The following SPIDR variants were observed in gnomAD, a reference collection of about 807,000 sequenced individuals.
SPIDR encodes scaffold protein involved in DNA repair, also known as DNA repair-scaffolding protein.
SPIDR carries 93 observed loss-of-function variants against 104.6 expected under a neutral mutation model. The observed-to-expected ratio is 0.89, with a 90% CI of 0.75 to 1.06. The LOEUF (loss-of-function observed/expected upper bound fraction) is 1.06, where lower values mean the gene tolerates loss of function less well. SPIDR is among the 50% of genes least tolerant of loss of function. SPIDR has a pLI of 0.00. For synonymous variants in SPIDR, 431 were observed against 416.9 expected, an observed-to-expected ratio of 1.03 and a Z score of -0.41; for missense variants, 1,154 against 1,111.2, an observed-to-expected ratio of 1.04 and a Z score of -0.55.
At position 47,735,369 on chromosome 8, in the gene SPIDR, C is replaced by G. The variant is rs751128787; in HGVS notation, c.2667C>G (p.Ser889=). 6.2e-7 allele frequency: 1 copy of G among 1,613,804 alleles called. No homozygotes were observed. The highest frequency in any genetic ancestry group is 2.2e-5 in the East Asian group (1 of 44,760). Residue 889 remains serine, a synonymous_variant, in exon 20 of 20, where the codon TCC becomes TCG. Coordinates refer to ENST00000297423, the MANE Select transcript of SPIDR (RefSeq NM_001080394.4). The stretch of plus-strand genomic sequence containing the variant: ...GGTTGTTAAATTGTTTTGTCCAGTC[C>G]GTAACCGCCCACCCGACCAGCTGCA... The part of the protein sequence containing the change: ...EVGLLNCFVQ[S]VTAHPTSCIG...
At chr8:47,712,254 G>A (rs2081989914) in intron 14 of SPIDR, among the ~76,000 whole-genome samples, 1 of 152,208 alleles carries the variant, frequency 6.6e-6, no homozygotes. Flanking sequence ...AAAGTCTGAG[G>A]GCAAGTAAGA....
chr8:47,423,807 G>A (rs1229624019), intron 7 of SPIDR, among the ~76,000 whole-genome samples: 3 of 152,084 alleles, frequency 2.0e-5, no homozygotes, highest in Non-Finnish European at 4.4e-5. Context: ...GTGGCATAGA[G>A]AATGGACAGC....
At chr8:47,512,316 ACCCTG>A (rs1167368504) in intron 8 of SPIDR, among the ~76,000 whole-genome samples, 5 of 151,954 alleles carry the variant, frequency 3.3e-5, no homozygotes, top group Non-Finnish European at 7.4e-5. Flanking sequence ...TGTTCGTCTC[ACCCTG>A]TCTACACACT....
At chr8:47,488,093 T>C (rs537135359) in intron 8 of SPIDR, among the ~76,000 whole-genome samples, 1 of 152,034 alleles carries the variant, frequency 6.6e-6, no homozygotes, top group Non-Finnish European at 1.5e-5. Flanking sequence ...GATCAACAAA[T>C]TGATAGACCA....
intron 6 of SPIDR, among the ~76,000 whole-genome samples, chr8:47,403,460 C>G (rs931978742): frequency 1.5e-4 from 23 of 152,192 alleles, no homozygotes; most frequent in African/African-American, 5.1e-4. Flanking sequence ...AAAACCCCAT[C>G]GTCTCAGCCC....
chr8:47,415,582 G>A (rs2064140155), intron 7 of SPIDR, among the ~76,000 whole-genome samples: 1 of 152,168 alleles, frequency 6.6e-6, no homozygotes, highest in Non-Finnish European at 1.5e-5. Flanking sequence ...CCCTCATGAA[G>A]GGAATTAGAA....
chr8:47,432,051 G>T (rs1285282714), intron 7 of SPIDR, among the ~76,000 whole-genome samples: 1 of 152,090 alleles, frequency 6.6e-6, no homozygotes, highest in African/African-American at 2.4e-5. Context: ...GATTTACTCA[G>T]AATTAAAATT....
chr8:47,734,129 C>T (rs1253869847), intron 19 of SPIDR, among the ~76,000 whole-genome samples: 1 of 152,214 alleles, frequency 6.6e-6, no homozygotes, highest in Non-Finnish European at 1.5e-5. Context: ...ATCCGGATAG[C>T]TCCACTGGGC....
intron 16 of SPIDR, among the ~76,000 whole-genome samples, chr8:47,718,317 A>G (rs552736663): frequency 6.6e-6 from 1 of 152,322 alleles, no homozygotes; most frequent in Admixed American, 6.5e-5. Context: ...ATTTCTAAAC[A>G]GGGGAGGAAA....
At chr8:47,585,470 G>A (rs1189893212) in intron 8 of SPIDR, among the ~76,000 whole-genome samples, 1 of 151,892 alleles carries the variant, frequency 6.6e-6, no homozygotes, top group Non-Finnish European at 1.5e-5. Context: ...ACATTTAGTT[G>A]TACAAAATAA....
chr8:47,709,762 TGAAA>T (rs2081585252), intron 14 of SPIDR, among the ~76,000 whole-genome samples: 1 of 152,198 alleles, frequency 6.6e-6, no homozygotes, highest in Non-Finnish European at 1.5e-5. Context: ...ATTAATAGAT[TGAAA>T]GAGAGACCAC....
intron 5 of SPIDR, among the ~76,000 whole-genome samples, chr8:47,372,093 A>G (rs1463360035): frequency 6.6e-6 from 1 of 152,126 alleles, no homozygotes; most frequent in Non-Finnish European, 1.5e-5. Flanking sequence ...ATCAACTTCC[A>G]TGCCTAGAAA....
At chr8:47,601,485 G>A (rs2062277041) in intron 10 of SPIDR, among the ~76,000 whole-genome samples, 1 of 152,238 alleles carries the variant, frequency 6.6e-6, no homozygotes, top group East Asian at 1.9e-4. Context: ...CTCGAGGTCA[G>A]GGGATCGAGA....
chr8:47,729,034 G>C lies in SPIDR; in HGVS notation c.2537G>C (p.Arg846Thr). ...GACTGCCGCTCAAGACCGCAGTGCAGAGTGAAGGTCAAGGTAGGAGCCAGG... is the reference window on the plus strand; with the variant it reads ...GACTGCCGCTCAAGACCGCAGTGCACAGTGAAGGTCAAGGTAGGAGCCAGG... ...FLDCRSRPQCRVKVKLLQRSI... is the reference protein window; with the variant it reads ...FLDCRSRPQCTVKVKLLQRSI... Residue 846 changes from arginine (R) to threonine (T), a missense_variant, in exon 18 of 20, where the codon AGA becomes ACA. Arg to Thr is a moderately conservative substitution (Grantham distance 71). Coordinates refer to ENST00000297423, the MANE Select transcript of SPIDR (RefSeq NM_001080394.4). 6.2e-7 allele frequency: 1 copy of C among 1,613,958 alleles called. No homozygotes were observed. Among genetic ancestry groups the C allele is most frequent in the Non-Finnish European group, 8.5e-7 (1 of 1,180,008 alleles).
chr8:47,313,288 T>C (rs1554586898), intron 5 of SPIDR, among the ~76,000 whole-genome samples: 3 of 152,108 alleles, frequency 2.0e-5, no homozygotes, highest in Non-Finnish European at 4.4e-5. Context: ...GAGAGCCAAA[T>C]CATGAGTGAA....
rs1554562949 is a variant in SPIDR, at chr8:47,285,916, A to C, written c.256+1822A>C. Among the ~76,000 whole-genome samples, 341 of 152,286 alleles carry C rather than the reference A, an allele frequency of 2.2e-3. 1 individual carries two copies. The highest frequency in any genetic ancestry group is 3.6e-3 in the Non-Finnish European group (245 of 68,036). ...CACCCAGAAATGTTCAGTGTGGCTA[A>C]TATTTATCCTACGGTTCCATTGGAA... On this transcript the variant is annotated intron_variant, in intron 3 of 19. Coordinates refer to ENST00000297423, the MANE Select transcript of SPIDR (RefSeq NM_001080394.4).
chr8:47,568,775 A>G (rs2154404620), intron 8 of SPIDR, among the ~76,000 whole-genome samples: 1 of 152,358 alleles, frequency 6.6e-6, no homozygotes, highest in East Asian at 1.9e-4. Context: ...ATATGCCACC[A>G]TGAGCTCAAT....
At chr8:47,409,627 C>G (rs2063228346) in intron 7 of SPIDR, among the ~76,000 whole-genome samples, 2 of 152,204 alleles carry the variant, frequency 1.3e-5, no homozygotes, top group African/African-American at 4.8e-5. Context: ...TCCCCGTTCC[C>G]AATAATATAT....
rs538848200 is a variant in SPIDR at position 47,614,634 on chromosome 8, A to G, written c.1544+15438A>G. 8.5e-4 allele frequency among the ~76,000 whole-genome samples: 130 copies of G among 152,218 alleles called. 2 individuals carry two copies. The highest frequency in any genetic ancestry group is 1.0e-4 in the Non-Finnish European group (7 of 68,034). On this transcript the variant is annotated intron_variant, in intron 10 of 19. Transcript: ENST00000297423. ...GGTTGATTCTGTCTTTGCTATTGTGAATAATGCTGCAGTGAACATATGCAT... is the reference window on the plus strand; with the variant it reads ...GGTTGATTCTGTCTTTGCTATTGTGGATAATGCTGCAGTGAACATATGCAT...
Sources: allele counts gnomAD v4.1 joint callset (sites outside exome capture counted in the v4.1 genomes callset), GRCh38; gene constraint gnomAD v4.1.1; transcripts MANE v1.5; gene names NCBI Gene and HGNC (gene_info 2026-07-23, HGNC 2026-07-21).